The following EPHA6 variants were observed in gnomAD, a reference collection of about 807,000 sequenced individuals.
EPHA6 encodes ephrin type-A receptor 6.
EPHA6 carries 50 observed loss-of-function variants against 112.0 expected under a neutral mutation model. That is an observed-to-expected ratio of 0.45 (90% CI 0.36 to 0.56). EPHA6 has a LOEUF of 0.56. EPHA6 is among the 20% of genes least tolerant of loss of function. EPHA6 has a pLI of 0.00. For synonymous variants in EPHA6, 529 were observed against 490.7 expected (o/e 1.08, Z -1.03); for missense variants, 1,280 against 1,417.4 (o/e 0.90, Z 1.56).
rs2035939359 is a variant in EPHA6, at chr3:97,753,078, T to G, written c.*4377T>G. ...CAGAATATAAGATACTTAAGTCACC[T>G]AACTTTTGGTTTTTATAAGCAACAT... On this transcript the variant is annotated 3_prime_UTR_variant, in exon 18 of 18. Coordinates refer to ENST00000389672, the MANE Select transcript of EPHA6 (RefSeq NM_001080448.3). Among the ~76,000 whole-genome samples the G allele has an allele frequency of 6.6e-6, 1 of 152,174 alleles. No homozygotes were observed. The highest frequency in any genetic ancestry group is 1.5e-5 in the Non-Finnish European group (1 of 67,994).
intron 5 of EPHA6, among the ~76,000 whole-genome samples, chr3:97,402,978 C>T (rs541057500): frequency 6.6e-6 from 1 of 152,082 alleles, no homozygotes; most frequent in East Asian, 1.9e-4. Flanking sequence ...TAATTCTCAC[C>T]TGTGATTGGT....
At chr3:97,289,035 T>C (rs1339990420) in intron 5 of EPHA6, among the ~76,000 whole-genome samples, 3 of 151,926 alleles carry the variant, frequency 2.0e-5, no homozygotes, top group Non-Finnish European at 1.5e-5. Flanking sequence ...ATTCTGTATG[T>C]TGTCTACTCT....
chr3:96,987,317 TCCC>T lies in EPHA6; in HGVS notation c.451-12_451-10del, dbSNP rs1272445562. 6.4e-7 allele frequency: 1 copy of T among 1,572,638 alleles called. No individual in the cohort carries two copies. The highest frequency in any genetic ancestry group is 1.8e-5 in the Admixed American group (1 of 54,730). ...GTTTAAAATCACTTAATTACTTTTT[TCCC>T]TTTTTGCAGTGGGATGCCATCACTG... On this transcript the variant is annotated splice_polypyrimidine_tract_variant and intron_variant, in intron 2 of 17. Transcript: ENST00000389672.
At chr3:96,867,489 T>A (rs995631059) in intron 2 of EPHA6, among the ~76,000 whole-genome samples, 1 of 151,826 alleles carries the variant, frequency 6.6e-6, no homozygotes, top group Admixed American at 6.6e-5. Context: ...TATTTTTATA[T>A]ATTTTGCATC....
At chr3:97,077,200 A>G (rs2046555472) in intron 3 of EPHA6, among the ~76,000 whole-genome samples, 1 of 152,174 alleles carries the variant, frequency 6.6e-6, no homozygotes. Flanking sequence ...ACATGCCATT[A>G]GGAACATTTG....
chr3:97,468,767 C>G (rs1049611592), intron 7 of EPHA6, among the ~76,000 whole-genome samples: 2 of 151,440 alleles, frequency 1.3e-5, no homozygotes, highest in African/African-American at 2.4e-5. Context: ...GCATTTTATC[C>G]TTATATTTAG....
chr3:97,392,127 A>G (rs2086440595), intron 5 of EPHA6, among the ~76,000 whole-genome samples: 1 of 151,882 alleles, frequency 6.6e-6, no homozygotes, highest in Non-Finnish European at 1.5e-5. Flanking sequence ...GCTTATAAAT[A>G]TATTCGTTTG....
chr3:97,271,411 TG>T lies in EPHA6; in HGVS notation c.1606+27125del, dbSNP rs199692332. Among the ~76,000 whole-genome samples the T allele has an allele frequency of 9.4e-3, 1,427 of 152,368 alleles. 20 individuals carry two copies. Among genetic ancestry groups the T allele is most frequent in the African/African-American group, 0.033 (1,370 of 41,582 alleles). ...TCTCGCTCTGTCACCCAGGCTGGAG[TG>T]CAGTGGCACAATCTCGGCTCACTGC... On this transcript the variant is annotated intron_variant, in intron 5 of 17. Coordinates refer to ENST00000389672, the MANE Select transcript of EPHA6 (RefSeq NM_001080448.3).
At chr3:97,184,191 C>T (rs2077062328) in intron 3 of EPHA6, among the ~76,000 whole-genome samples, 1 of 152,050 alleles carries the variant, frequency 6.6e-6, no homozygotes, top group Non-Finnish European at 1.5e-5. Flanking sequence ...TATTTTAAAG[C>T]AATGACAACT....
intron 11 of EPHA6, among the ~76,000 whole-genome samples, chr3:97,571,422 G>T (rs923051403): frequency 1.3e-5 from 2 of 152,062 alleles, no homozygotes; most frequent in African/African-American, 2.4e-5. Context: ...TGAAGCAATT[G>T]CATATGTTAG....
At chr3:96,892,346 G>A (rs530836042) in intron 2 of EPHA6, among the ~76,000 whole-genome samples, 106 of 152,072 alleles carry the variant, frequency 7.0e-4, no homozygotes, top group African/African-American at 2.4e-3. Context: ...TCAGCCTCCT[G>A]AGTCGCTGGG....
At chr3:96,920,255 T>G (rs192585489) in intron 2 of EPHA6, among the ~76,000 whole-genome samples, 8 of 151,996 alleles carry the variant, frequency 5.3e-5, no homozygotes, top group Admixed American at 4.6e-4. Context: ...TAAACTTAAG[T>G]AAGATCAAAT....
chr3:97,281,249 A>ATG (rs1206021606), intron 5 of EPHA6, among the ~76,000 whole-genome samples: 3 of 150,338 alleles, frequency 2.0e-5, no homozygotes, highest in South Asian at 2.1e-4. Context: ...GTGCATGAGC[A>ATG]TGTGTGTGTG....
intron 5 of EPHA6, among the ~76,000 whole-genome samples, chr3:97,308,490 G>C (rs1576908946): frequency 6.6e-6 from 1 of 151,658 alleles, no homozygotes; most frequent in Non-Finnish European, 1.5e-5. Flanking sequence ...CTAGCACTAT[G>C]CTGTTGTTGT....
chr3:96,990,230 TA>T (rs2043166852), intron 3 of EPHA6, among the ~76,000 whole-genome samples: 1 of 152,220 alleles, frequency 6.6e-6, no homozygotes, highest in South Asian at 2.1e-4. Context: ...TTTTTTTACT[TA>T]ATATGCTTGC....
intron 14 of EPHA6, among the ~76,000 whole-genome samples, chr3:97,640,337 G>A (rs2093990092): frequency 6.6e-6 from 1 of 152,052 alleles, no homozygotes; most frequent in Non-Finnish European, 1.5e-5. Context: ...GCAATGGAGG[G>A]GCCAATTTTC....
chr3:96,828,556 G>T (rs899640997), intron 1 of EPHA6, among the ~76,000 whole-genome samples: 13 of 152,224 alleles, frequency 8.5e-5, no homozygotes, highest in African/African-American at 3.1e-4. Context: ...TTTTATGAGT[G>T]CTTAGGAATG....
chr3:97,332,985 T>C (rs2082872426), intron 5 of EPHA6, among the ~76,000 whole-genome samples: 1 of 152,100 alleles, frequency 6.6e-6, no homozygotes, highest in Admixed American at 6.6e-5. Flanking sequence ...AATGCTTGTC[T>C]ATGTCTACAG....
intron 3 of EPHA6, among the ~76,000 whole-genome samples, chr3:97,149,054 G>A (rs1559758145): frequency 6.6e-6 from 1 of 152,060 alleles, no homozygotes; most frequent in Non-Finnish European, 1.5e-5. Flanking sequence ...CAGACTGGCA[G>A]TAGGATACAG....
Sources: gnomAD v4.1 joint callset for allele counts (sites outside exome capture counted in the v4.1 genomes callset) on GRCh38, gnomAD v4.1.1 for gene constraint, MANE v1.5 for transcripts, NCBI Gene and HGNC (gene_info 2026-07-23, HGNC 2026-07-21) for gene names.